The following TENM2 variants were observed in gnomAD, a reference collection of about 807,000 sequenced individuals.
TENM2 encodes teneurin transmembrane protein 2.
Under a neutral mutation model 245.2 loss-of-function variants are expected in TENM2, and 52 were observed. The ratio of observed to expected loss-of-function variants is 0.21; its 90% CI spans 0.17 to 0.27. The LOEUF (loss-of-function observed/expected upper bound fraction) is 0.27. TENM2 is among the 10% of genes least tolerant of loss of function. The pLI is 1.00. For synonymous variants in TENM2, 1,363 were observed against 1,438.9 expected, an observed-to-expected ratio of 0.95 and a Z score of 1.19; for missense variants, 3,046 against 3,666.8, an observed-to-expected ratio of 0.83 and a Z score of 4.37.
chr5:168,101,684 G>A (rs2152286876), intron 9 of TENM2, among the ~76,000 whole-genome samples: 1 of 152,262 alleles, frequency 6.6e-6, no homozygotes, highest in Non-Finnish European at 1.5e-5. Context: ...ATCGGGCTTT[G>A]AACTTGTATA....
rs543707623 is a variant in TENM2, at chr5:167,542,395, A to T, written c.502+166922A>T. 3.3e-5 allele frequency among the ~76,000 whole-genome samples: 5 copies of T among 152,238 alleles called. No homozygotes were observed. In the South Asian group the frequency reaches 1.0e-3, roughly 32 times the overall value. On this transcript the variant is annotated intron_variant, in intron 2 of 28. Transcript: ENST00000518659. Reference sequence around the variant, plus strand: ...ACCATCAGGTCTTTCCTTGGCATGTATGTATCTGTACATCATGTGAATAAG... The same window carrying T: ...ACCATCAGGTCTTTCCTTGGCATGTTTGTATCTGTACATCATGTGAATAAG...
At chr5:167,767,039 C>G (rs537299955) in intron 2 of TENM2, among the ~76,000 whole-genome samples, 5 of 152,154 alleles carry the variant, frequency 3.3e-5, no homozygotes, top group African/African-American at 1.2e-4. Flanking sequence ...TCCAAATCCA[C>G]TTTTGTATGT....
chr5:167,023,969 A>G, the TENM2 span, among the ~76,000 whole-genome samples: 1 of 152,322 alleles, frequency 6.6e-6, no homozygotes, highest in Admixed American at 6.5e-5. Flanking sequence ...AATATACAAA[A>G]TTCATATATA....
the TENM2 span, among the ~76,000 whole-genome samples, chr5:167,042,811 A>C: frequency 6.6e-6 from 1 of 152,190 alleles, no homozygotes; most frequent in African/African-American, 2.4e-5. Context: ...CGGTAGGTCA[A>C]TTGTTTAGTC....
At chr5:167,660,650 C>A (rs1380276975) in intron 2 of TENM2, among the ~76,000 whole-genome samples, 1 of 151,466 alleles carries the variant, frequency 6.6e-6, no homozygotes, top group Non-Finnish European at 1.5e-5. Flanking sequence ...TTTATTTTTT[C>A]AAACTTTTTG....
chr5:167,901,091 G>A (rs574435570), intron 3 of TENM2, among the ~76,000 whole-genome samples: 1 of 152,182 alleles, frequency 6.6e-6, no homozygotes, highest in African/African-American at 2.4e-5. Context: ...GAATATGCAT[G>A]TGCAATTTAA....
intron 5 of TENM2, among the ~76,000 whole-genome samples, chr5:168,002,819 T>C (rs1217416366): frequency 1.3e-5 from 2 of 152,248 alleles, no homozygotes; most frequent in African/African-American, 4.8e-5. Flanking sequence ...GCTTTTCCAC[T>C]GGGCAAGAAA....
chr5:167,093,371 G>T, the TENM2 span, among the ~76,000 whole-genome samples: 2 of 152,088 alleles, frequency 1.3e-5, no homozygotes, highest in African/African-American at 4.8e-5. Context: ...CTTTGTATGA[G>T]CCAGGATTCT....
the TENM2 span, among the ~76,000 whole-genome samples, chr5:166,992,830 G>T: frequency 2.0e-4 from 30 of 152,324 alleles, no homozygotes; most frequent in Admixed American, 4.6e-4. Context: ...TGAGCCAGAT[G>T]TGCTGCTGCT....
chr5:167,901,570 T>C (rs1025328332), intron 3 of TENM2, among the ~76,000 whole-genome samples: 1 of 152,200 alleles, frequency 6.6e-6, no homozygotes, highest in Non-Finnish European at 1.5e-5. Flanking sequence ...GTAGGAGCAA[T>C]ACTCATAACA....
At chr5:168,023,088 C>G (rs1786305204) in intron 5 of TENM2, among the ~76,000 whole-genome samples, 1 of 152,142 alleles carries the variant, frequency 6.6e-6, no homozygotes, top group South Asian at 2.1e-4. Flanking sequence ...AGCATGCAGC[C>G]TAATAGAGTT....
intron 4 of TENM2, among the ~76,000 whole-genome samples, chr5:167,964,093 A>T (rs762610277): frequency 1.3e-5 from 2 of 152,208 alleles, no homozygotes; most frequent in Non-Finnish European, 2.9e-5. Flanking sequence ...GCCTATTCAC[A>T]GAAGGTTTTG....
chr5:167,671,392 TG>T (rs1387636204), intron 2 of TENM2, among the ~76,000 whole-genome samples: 2 of 152,162 alleles, frequency 1.3e-5, no homozygotes, highest in Admixed American at 1.3e-4. Flanking sequence ...TATAACCTGA[TG>T]TTTTAACATT....
chr5:168,053,037 G>C (rs1273659981), intron 6 of TENM2, among the ~76,000 whole-genome samples: 3 of 152,084 alleles, frequency 2.0e-5, no homozygotes, highest in African/African-American at 7.2e-5. Flanking sequence ...AATGAACACA[G>C]CCCAGGGTTT....
the TENM2 span, among the ~76,000 whole-genome samples, chr5:167,145,860 A>G: frequency 6.6e-6 from 1 of 152,218 alleles, no homozygotes; most frequent in African/African-American, 2.4e-5. Flanking sequence ...ACCGCTGAAT[A>G]GACAATGGGC....
chr5:167,218,597 A>C, the TENM2 span, among the ~76,000 whole-genome samples: 1 of 152,192 alleles, frequency 6.6e-6, no homozygotes, highest in Non-Finnish European at 1.5e-5. Context: ...GCAAAGTTCT[A>C]GCATGAAAGG....
intron 12 of TENM2, among the ~76,000 whole-genome samples, chr5:168,138,084 G>A (rs1755220495): frequency 6.6e-6 from 1 of 152,160 alleles, no homozygotes; most frequent in Non-Finnish European, 1.5e-5. Context: ...CTTTGTCAAT[G>A]CTTGACTATG....
chr5:168,248,383 G>C lies in TENM2; in HGVS notation c.7432+12G>C, dbSNP rs1205970569. 3.1e-6 allele frequency: 5 copies of C among 1,606,032 alleles called. No individual in the cohort carries two copies. The highest frequency in any genetic ancestry group is 4.3e-6 in the Non-Finnish European group (5 of 1,174,854). ...GAACTACGTGACAGGTGAGGATTCT[G>C]CCACCAAAGGTGGGCAGTGGCTCCC... On this transcript the variant is annotated intron_variant, in intron 27 of 28. Coordinates refer to ENST00000518659, the Ensembl canonical transcript of TENM2.
At chr5:167,032,220 A>C in the TENM2 span, among the ~76,000 whole-genome samples, 1 of 152,206 alleles carries the variant, frequency 6.6e-6, no homozygotes, top group Non-Finnish European at 1.5e-5. Flanking sequence ...AAACCTCAAA[A>C]AATTTGCATG....
Sources: gnomAD v4.1 joint callset for allele counts (sites outside exome capture counted in the v4.1 genomes callset) on GRCh38, gnomAD v4.1.1 for gene constraint, MANE v1.5 for transcripts, NCBI Gene and HGNC (gene_info 2026-07-23, HGNC 2026-07-21) for gene names.